LAMP1: variants seen among roughly 807,000 people sequenced by gnomAD.
The protein encoded by LAMP1 is lysosome-associated membrane glycoprotein 1.
Under a neutral mutation model 37.5 loss-of-function variants are expected in LAMP1, and 7 were observed. The ratio of observed to expected loss-of-function variants is 0.19; its 90% CI spans 0.11 to 0.35. The LOEUF is 0.35. Among genes scored for constraint, LAMP1 ranks in the 10% least tolerant of loss-of-function variants. The pLI is 1.00. For synonymous variants in LAMP1, 236 were observed against 229.1 expected (o/e 1.03, Z -0.27); for missense variants, 537 against 552.8 (o/e 0.97, Z 0.29).
In LAMP1 at chr13:113,310,632, C is replaced by A. The variant is rs1178865594; in HGVS notation, c.404-77C>A. On this transcript the variant is annotated intron_variant, in intron 3 of 8. Transcript: ENST00000332556. ...CAAGACTGGAATCTATAACTGACATCAGGGCTAAAATAAAAAACACATAAA... is the reference window on the plus strand; with the variant it reads ...CAAGACTGGAATCTATAACTGACATAAGGGCTAAAATAAAAAACACATAAA... 1.5e-5 allele frequency: 17 copies of A among 1,142,080 alleles called. No homozygotes were observed. The East Asian group carries it at 2.3e-4, about 16-fold the overall frequency. 70.7% of individuals were successfully genotyped at this position (1,142,080 alleles called of 1,614,324 possible). A position where few individuals can be genotyped will look rare whatever the true frequency, so the allele number is the denominator to read the frequency against.
At chr13:113,322,069 C>T (rs1488555834) in intron 8 of LAMP1, 8 of 596,134 alleles carry the variant, frequency 1.3e-5, no homozygotes, top group Non-Finnish European at 2.3e-5. Flanking sequence ...CCCCTGATTC[C>T]AGACGGGGGA....
intron 1 of LAMP1, among the ~76,000 whole-genome samples, chr13:113,300,520 A>C (rs960679595): frequency 6.6e-6 from 1 of 151,086 alleles, no homozygotes; most frequent in African/African-American, 2.4e-5. Flanking sequence ...AAGAAAAGAA[A>C]GAAAAGCTGG....
intron 2 of LAMP1, among the ~76,000 whole-genome samples, chr13:113,307,526 T>A (rs1261393891): frequency 6.6e-6 from 1 of 152,216 alleles, no homozygotes; most frequent in Non-Finnish European, 1.5e-5. Context: ...CACCATAATT[T>A]GTTACACACT....
rs558852088 is a variant in LAMP1, at chr13:113,310,817, A to G, written c.512A>G (p.His171Arg). ...ATGAACAACGTGACCGTAACGCTCCATGATGCCACCATCCAGGCGTACCTT... is the reference window on the plus strand; with the variant it reads ...ATGAACAACGTGACCGTAACGCTCCGTGATGCCACCATCCAGGCGTACCTT... ...VHMNNVTVTL[H>R]DATIQAYLSN... Residue 171 changes from histidine to arginine, a missense_variant, in exon 4 of 9, where the codon CAT becomes CGT. His to Arg is a conservative substitution (Grantham distance 29). Coordinates refer to ENST00000332556, the MANE Select transcript of LAMP1 (RefSeq NM_005561.4). 2 of 1,613,990 alleles carry G rather than the reference A, an allele frequency of 1.2e-6. No homozygotes were observed. The highest frequency in any genetic ancestry group is 1.3e-5 in the African/African-American group (1 of 75,026).
chr13:113,312,804 T>G (rs182751860), intron 4 of LAMP1, among the ~76,000 whole-genome samples: 7 of 152,264 alleles, frequency 4.6e-5, no homozygotes, highest in Admixed American at 3.9e-4. Context: ...TGTCTAGGTG[T>G]GTTCATGCTC....
intron 2 of LAMP1, among the ~76,000 whole-genome samples, chr13:113,309,029 G>C (rs760370967): frequency 3.3e-5 from 5 of 152,108 alleles, no homozygotes; most frequent in Non-Finnish European, 5.9e-5. Context: ...CCCTGAAGCT[G>C]GTGTGAATTG....
At position 113,321,041 on chromosome 13, in the gene LAMP1, C is replaced by T. The variant is rs545713675; in HGVS notation, c.877-363C>T. 159 of 302,836 alleles carry T rather than the reference C, an allele frequency of 5.3e-4. 1 individual carries two copies. The highest frequency in any genetic ancestry group is 3.1e-3 in the East Asian group (35 of 11,152). 18.8% of individuals were successfully genotyped at this position (302,836 alleles called of 1,614,324 possible). A position where few individuals can be genotyped will look rare whatever the true frequency, so the allele number is the denominator to read the frequency against. ...CAAATAATAAAACGAGTTAGCTGGG[C>T]GTAGTGGCGCACACCTGTGGTCCCA... On this transcript the variant is annotated intron_variant, in intron 6 of 8. Transcript: ENST00000332556. This position sits in a 1 kb window ranked among gnomAD's most constrained non-coding sequence, Gnocchi z 5.6.
At chr13:113,310,930 G>T in intron 4 of LAMP1, 63 bp downstream of exon 4, 2 of 1,416,258 alleles carry the variant, frequency 1.4e-6, no homozygotes, top group South Asian at 2.4e-5. Context: ...CAGTGGCTGC[G>T]GGTGACCTCA....
rs7983578 is a variant in LAMP1, at chr13:113,297,407, C to T, written c.-28C>T. The T allele has an allele frequency of 0.95, 707,355 of 743,622 alleles. 343,318 individuals carry two copies. Among genetic ancestry groups the T allele is most frequent in the Non-Finnish European group, 1 (542,285 of 543,482 alleles). The allele number at this position is 743,622 out of a possible 1,614,324, so 46.1% of individuals were successfully genotyped here. ...CCAACCGCCGCCCGCGCCCCCGCTCCCCGCACCGTACCCGGCCGCCTCGCG... is the reference window on the plus strand; with the variant it reads ...CCAACCGCCGCCCGCGCCCCCGCTCTCCGCACCGTACCCGGCCGCCTCGCG... On this transcript the variant is annotated 5_prime_UTR_variant, in exon 1 of 9. Coordinates refer to ENST00000332556, the MANE Select transcript of LAMP1 (RefSeq NM_005561.4). This position sits in a 1 kb window ranked among gnomAD's most constrained non-coding sequence, Gnocchi z 4.4.
rs920986475 is a variant in LAMP1 at position 113,320,438 on chromosome 13, G to T, written c.844G>T (p.Gly282Cys). The T allele has an allele frequency of 3.1e-6, 5 of 1,610,626 alleles. No homozygotes were observed. Among genetic ancestry groups the T allele is most frequent in the African/African-American group, 1.3e-5 (1 of 74,894 alleles). Residue 282 changes from glycine to cysteine, a missense_variant, in exon 6 of 9, where the codon GGC becomes TGC. Transcript: ENST00000332556. The surrounding 1 kb of genome is among the most constrained non-coding windows in gnomAD (Gnocchi z 4.4). ...HLVTLELHSE[G>C]TTVLLFQFGM... ...GGTGACTCTGGAGCTGCACAGCGAG[G>T]GCACCACCGTCCTGCTCTTCCAGTT...
At position 113,309,757 on chromosome 13, in the gene LAMP1, C is replaced by G; in HGVS notation, c.298C>G (p.Leu100Val). ...GATTGCTTTTGGAAGAGGACATACA[C>G]TCACTCTCAATTTCACGAGAAATGC... is the stretch of plus-strand genomic sequence containing the variant. ...LVIAFGRGHTLTLNFTRNATR... is the reference protein window; with the variant it reads ...LVIAFGRGHTVTLNFTRNATR... Residue 100 changes from leucine (L) to valine (V), a missense_variant, in exon 3 of 9, where the codon CTC becomes GTC. Transcript: ENST00000332556. The G allele has an allele frequency of 6.2e-7, 1 of 1,614,130 alleles. No individual in the cohort carries two copies. The highest frequency in any genetic ancestry group is 2.2e-5 in the East Asian group (1 of 44,886).
rs2042702143 is a variant in LAMP1, at chr13:113,321,804, T to C, written c.1114+77T>C. The stretch of plus-strand genomic sequence containing the variant: ...CTCCGCCTGTGGACGTTTAGTCGCT[T>C]CCGTGTGGGCTGGGGCGACGCCCCT... On this transcript the variant is annotated intron_variant, in intron 8 of 8. Transcript: ENST00000332556. The surrounding 1 kb of genome is among the most constrained non-coding windows in gnomAD (Gnocchi z 5.6). The C allele has an allele frequency of 6.9e-7, 1 of 1,446,994 alleles. No individual in the cohort carries two copies. The highest frequency in any genetic ancestry group is 1.4e-5 in the African/African-American group (1 of 71,774). The allele number at this position is 1,446,994 out of a possible 1,614,324, so 89.6% of individuals were successfully genotyped here.
At chr13:113,310,487 C>T (rs1377640770) in intron 3 of LAMP1, among the ~76,000 whole-genome samples, 1 of 152,162 alleles carries the variant, frequency 6.6e-6, no homozygotes, top group African/African-American at 2.4e-5. Flanking sequence ...GATCACGCCA[C>T]TGTGCTCCAG....
At chr13:113,306,974 G>C (rs1379403178) in intron 2 of LAMP1, among the ~76,000 whole-genome samples, 1 of 149,324 alleles carries the variant, frequency 6.7e-6, no homozygotes, top group Non-Finnish European at 1.5e-5. Context: ...CCAGTAGCTG[G>C]GGCTACAGGC....
rs200519692 is a variant in LAMP1, at chr13:113,301,241, T to TCAGTGC, written c.61+3747_61+3752dup. 5.6e-3 allele frequency among the ~76,000 whole-genome samples: 859 copies of TCAGTGC among 152,186 alleles called. 5 individuals carry two copies. The highest frequency in any genetic ancestry group is 0.017 in the African/African-American group (694 of 41,526). The stretch of plus-strand genomic sequence containing the variant: ...GGCACAGTGGCTCATGCCTGTCATC[T>TCAGTGC]CAGTGCTTTGAGGCTAAGGCAGGAG... On this transcript the variant is annotated intron_variant, in intron 1 of 8. Coordinates refer to ENST00000332556, the MANE Select transcript of LAMP1 (RefSeq NM_005561.4).
chr13:113,306,438 T>C, intron 1 of LAMP1, 47 bp from the exon 2 acceptor site: 1 of 1,593,026 alleles, frequency 6.3e-7, no homozygotes, highest in Non-Finnish European at 8.6e-7. Flanking sequence ...CTCGGTCGTA[T>C]TTTCTGGACA....
Position 113,321,315 on chromosome 13 carries a change from G to T in LAMP1, c.877-89G>T. 9.4e-7 allele frequency: 1 copy of T among 1,064,948 alleles called. No homozygotes were observed. The highest frequency in any genetic ancestry group is 1.6e-5 in the African/African-American group (1 of 64,142). 66.0% of individuals were successfully genotyped at this position (1,064,948 alleles called of 1,614,324 possible). On this transcript the variant is annotated intron_variant, in intron 6 of 8. Coordinates refer to ENST00000332556, the MANE Select transcript of LAMP1 (RefSeq NM_005561.4). The surrounding 1 kb of genome is among the most constrained non-coding windows in gnomAD (Gnocchi z 5.6). ...GGTTTATTACCCAATGACCATTCAC[G>T]TTTGATGATAAATGTGTGAATCTAC...
chr13:113,304,313 G>T (rs2042587956), intron 1 of LAMP1, among the ~76,000 whole-genome samples: 1 of 152,204 alleles, frequency 6.6e-6, no homozygotes, highest in African/African-American at 2.4e-5. Flanking sequence ...GGGGTGGGCA[G>T]TCTCCCTGTC....
At chr13:113,313,166 G>T (rs1020905857) in intron 4 of LAMP1, among the ~76,000 whole-genome samples, 1 of 152,132 alleles carries the variant, frequency 6.6e-6, no homozygotes, top group Non-Finnish European at 1.5e-5. Flanking sequence ...ACTCACTCCT[G>T]CCTGGAAGTG....
Sources: gnomAD v4.1 joint callset for allele counts (sites outside exome capture counted in the v4.1 genomes callset) on GRCh38, gnomAD v4.1.1 for gene constraint, Gnocchi (gnomAD v3.1) non-coding constraint, MANE v1.5 for transcripts, NCBI Gene and HGNC (gene_info 2026-07-23, HGNC 2026-07-21) for gene names.